Variants in DLGAP1 observed in about 807,000 individuals in gnomAD.
DLGAP1 encodes DLG associated protein 1, also known as disks large-associated protein 1.
In DLGAP1, 11 loss-of-function variants were observed where a neutral mutation model predicts 90.8. That is an observed-to-expected ratio of 0.12 (90% CI 0.08 to 0.20). The LOEUF (loss-of-function observed/expected upper bound fraction) is 0.20. DLGAP1 is among the 10% of genes least tolerant of loss of function. The probability of loss-of-function intolerance (pLI) is 1.00; values close to 1 mark genes in which losing one functional copy is unlikely to be tolerated. For synonymous variants in DLGAP1, 558 were observed against 540.7 expected (o/e 1.03, Z -0.44); for missense variants, 1,050 against 1,333.8 (o/e 0.79, Z 3.31).
intron 3 of DLGAP1, among the ~76,000 whole-genome samples, chr18:3,880,797 G>T (rs1001611214): frequency 1.3e-5 from 2 of 151,774 alleles, no homozygotes; most frequent in East Asian, 2.0e-4. Flanking sequence ...ACAAAAATTA[G>T]CTGGGCGTGG....
intron 1 of DLGAP1, among the ~76,000 whole-genome samples, chr18:4,164,108 A>G (rs184830086): frequency 1.3e-5 from 2 of 152,266 alleles, no homozygotes; most frequent in Admixed American, 6.5e-5. Context: ...TGCCATTGGA[A>G]CCATGGTCCA....
intron 2 of DLGAP1, among the ~76,000 whole-genome samples, chr18:4,040,874 AT>A (rs2074963727): frequency 6.6e-6 from 1 of 152,226 alleles, no homozygotes; most frequent in Admixed American, 6.5e-5. Flanking sequence ...AAACAGCTTT[AT>A]CATTGTGGCT....
intron 5 of DLGAP1, among the ~76,000 whole-genome samples, chr18:3,786,884 AG>A (rs1568132514): frequency 6.6e-6 from 1 of 152,288 alleles, no homozygotes; most frequent in East Asian, 1.9e-4. Context: ...TCAAAGTCAA[AG>A]AACAGTGGAA....
At chr18:3,976,205 A>ATAATAG (rs1555717719) in intron 3 of DLGAP1, among the ~76,000 whole-genome samples, 4 of 148,470 alleles carry the variant, frequency 2.7e-5, no homozygotes, top group African/African-American at 4.9e-5. Flanking sequence ...AATAATAATA[A>ATAATAG]TAATAATAAT....
chr18:3,704,384 A>C (rs2061372144), intron 7 of DLGAP1, among the ~76,000 whole-genome samples: 1 of 152,160 alleles, frequency 6.6e-6, no homozygotes, highest in Admixed American at 6.5e-5. Flanking sequence ...CAGCCTGGAC[A>C]ACATGGTGAA....
At chr18:4,250,899 T>G (rs2078765032) in intron 1 of DLGAP1, among the ~76,000 whole-genome samples, 1 of 151,824 alleles carries the variant, frequency 6.6e-6, no homozygotes, top group Non-Finnish European at 1.5e-5. Flanking sequence ...CCATGTAACT[T>G]AAGTCAGCTA....
At chr18:4,219,673 C>G (rs1322141118) in intron 1 of DLGAP1, among the ~76,000 whole-genome samples, 1 of 151,948 alleles carries the variant, frequency 6.6e-6, no homozygotes, top group Non-Finnish European at 1.5e-5. Flanking sequence ...ATTAACTAAG[C>G]ATCTAATTAT....
intron 7 of DLGAP1, among the ~76,000 whole-genome samples, chr18:3,635,182 G>GT (rs1188445002): frequency 2.7e-5 from 4 of 149,596 alleles, no homozygotes; most frequent in African/African-American, 4.9e-5. Flanking sequence ...CCAGGCTGGA[G>GT]TGCAGTGGCG....
intron 1 of DLGAP1, among the ~76,000 whole-genome samples, chr18:4,261,933 A>G (rs2079011505): frequency 6.6e-6 from 1 of 152,234 alleles, no homozygotes; most frequent in Admixed American, 6.5e-5. Flanking sequence ...ATATTTGTCT[A>G]AAGATGGAAA....
chr18:3,739,830 A>G (rs2062824216), intron 6 of DLGAP1, among the ~76,000 whole-genome samples: 1 of 152,218 alleles, frequency 6.6e-6, no homozygotes, highest in South Asian at 2.1e-4. Context: ...ATGGAACTAG[A>G]AAAATGATGT....
intron 2 of DLGAP1, among the ~76,000 whole-genome samples, chr18:4,007,378 G>A (rs1313919728): frequency 1.3e-5 from 2 of 152,094 alleles, no homozygotes; most frequent in Non-Finnish European, 2.9e-5. Context: ...ATTGCTGGCC[G>A]GGTGCAGTGG....
chr18:3,590,943 A>C (rs1039217987), intron 7 of DLGAP1, among the ~76,000 whole-genome samples: 11 of 152,170 alleles, frequency 7.2e-5, no homozygotes, highest in African/African-American at 2.7e-4. Flanking sequence ...AGAGTGTTTT[A>C]CCTGTTGAAT....
chr18:3,966,066 T>C (rs928370295), intron 3 of DLGAP1, among the ~76,000 whole-genome samples: 6 of 151,648 alleles, frequency 4.0e-5, no homozygotes, highest in Admixed American at 3.9e-4. Flanking sequence ...ATGAATAATT[T>C]TAAATAATAA....
chr18:4,079,661 C>A (rs1293121432), intron 2 of DLGAP1, among the ~76,000 whole-genome samples: 1 of 150,208 alleles, frequency 6.7e-6, no homozygotes, highest in Non-Finnish European at 1.5e-5. Flanking sequence ...TGACCAAAAA[C>A]CATGTGTACA....
chr18:4,367,551 G>A (rs2081804368), intron 1 of DLGAP1, among the ~76,000 whole-genome samples: 1 of 152,022 alleles, frequency 6.6e-6, no homozygotes, highest in South Asian at 2.1e-4. Flanking sequence ...TTATATGTAG[G>A]AATAGAGGGC....
At chr18:3,744,693 A>T (rs1375686464) in intron 5 of DLGAP1, among the ~76,000 whole-genome samples, 3 of 151,884 alleles carry the variant, frequency 2.0e-5, no homozygotes, top group Non-Finnish European at 4.4e-5. Context: ...TGACACACGC[A>T]CGCCACCGCG....
At chr18:4,427,614 T>C (rs1567913486) in intron 1 of DLGAP1, among the ~76,000 whole-genome samples, 1 of 151,926 alleles carries the variant, frequency 6.6e-6, no homozygotes, top group South Asian at 2.1e-4. Context: ...TCAAAGACAG[T>C]AGGGAGTAGG....
At chr18:3,993,171 C>A (rs529141681) in intron 3 of DLGAP1, 1 of 151,862 alleles carries the variant, frequency 6.6e-6, no homozygotes, top group Admixed American at 6.6e-5. Context: ...CAGGAACCCC[C>A]CTCTTGCACC....
At chr18:4,409,275 T>C (rs976509258) in intron 1 of DLGAP1, among the ~76,000 whole-genome samples, 6 of 152,164 alleles carry the variant, frequency 3.9e-5, no homozygotes, top group Non-Finnish European at 8.8e-5. Context: ...AGTTAATTTT[T>C]TTATTTATTT....
Sources: allele counts gnomAD v4.1 joint callset (sites outside exome capture counted in the v4.1 genomes callset), GRCh38; gene constraint gnomAD v4.1.1; transcripts MANE v1.5; gene names NCBI Gene and HGNC (gene_info 2026-07-23, HGNC 2026-07-21).